HOXA3: variants seen among roughly 807,000 people sequenced by gnomAD.
The protein encoded by HOXA3 is homeobox protein Hox-A3.
Under a neutral mutation model 30.3 loss-of-function variants are expected in HOXA3, and 8 were observed. The observed-to-expected ratio is 0.26, with a 90% CI of 0.15 to 0.48. The LOEUF (loss-of-function observed/expected upper bound fraction) is 0.48. Ranked by LOEUF, HOXA3 falls within the 20% of genes least tolerant of loss-of-function variation. The pLI is 0.99. For missense variants in HOXA3, 653 were observed against 614.4 expected, an observed-to-expected ratio of 1.06 and a Z score of -0.66; for synonymous variants, 323 against 273.1, an observed-to-expected ratio of 1.18 and a Z score of -1.80.
chr7:27,110,305 AG>A lies in HOXA3; in HGVS notation c.335del (p.Pro112LeufsTer48). 9.5e-7 allele frequency: 1 copy of A among 1,047,730 alleles called. No homozygotes were observed. 64.9% of individuals were successfully genotyped at this position (1,047,730 alleles called of 1,614,324 possible). ...GCGGGGGCGCGGCAGGGGTAGGTGC[AG>A]GGGGCTGAGGTGCGGGCTGAGGCGG... ...PQPPQPAPQP[P>X]APTPAAPPPP... On this transcript the variant is annotated frameshift_variant, in exon 5 of 6. Transcript: ENST00000612286. LOFTEE classifies it high-confidence loss of function.
At chr7:27,112,262 C>A (rs1396805403) in intron 4 of HOXA3, among the ~76,000 whole-genome samples, 1 of 152,046 alleles carries the variant, frequency 6.6e-6, no homozygotes, top group Admixed American at 6.5e-5. Flanking sequence ...GGTTAACATG[C>A]AATCCAACTA....
intron 2 of HOXA3, among the ~76,000 whole-genome samples, chr7:27,136,081 T>C (rs1188339755): frequency 2.0e-5 from 3 of 152,250 alleles, no homozygotes; most frequent in Non-Finnish European, 2.9e-5. Flanking sequence ...AGCTCTAACA[T>C]TGACATCAAA....
At chr7:27,130,343 G>T in intron 2 of HOXA3, 1 of 1,118,770 alleles carries the variant, frequency 8.9e-7, no homozygotes, top group Non-Finnish European at 1.1e-6. Context: ...TGGCTCGCAT[G>T]CAGGCCGTGC....
chr7:27,124,552 G>C (rs1011867535), intron 3 of HOXA3: 1 of 152,218 alleles, frequency 6.6e-6, no homozygotes. Flanking sequence ...CTGCCTTCCT[G>C]AAGGAGTTAA....
intron 1 of HOXA3, chr7:27,145,745 G>A (rs2128061914): frequency 1.2e-6 from 2 of 1,614,246 alleles, no homozygotes; most frequent in East Asian, 4.5e-5. Flanking sequence ...TCATGCGGCG[G>A]TTCTGGAACC....
chr7:27,136,731 T>A (rs747849433), intron 2 of HOXA3, among the ~76,000 whole-genome samples: 5 of 152,232 alleles, frequency 3.3e-5, no homozygotes, highest in Non-Finnish European at 7.3e-5. Flanking sequence ...ATAACCTTCA[T>A]AACAAATATT....
rs4722662 is a variant in HOXA3 at position 27,129,100 on chromosome 7, C to T, written c.-389-2030G>A. The T allele has an allele frequency of 0.96, 701,164 of 729,228 alleles. 337,303 individuals carry two copies. Among genetic ancestry groups the T allele is most frequent in the East Asian group, 1 (40,699 of 40,794 alleles). 45.2% of individuals were successfully genotyped at this position (729,228 alleles called of 1,614,324 possible). On this transcript the variant is annotated intron_variant, in intron 2 of 5. Coordinates refer to ENST00000612286, the MANE Select transcript of HOXA3 (RefSeq NM_153631.3). ...ATGTCTTCTTTTTGATTATTCTTTT[C>T]ACCAATTTGGGTTTGTTTTGGTGTC... is the stretch of plus-strand genomic sequence containing the variant.
intron 4 of HOXA3, among the ~76,000 whole-genome samples, chr7:27,117,809 C>T (rs1784801918): frequency 6.6e-6 from 1 of 151,984 alleles, no homozygotes; most frequent in Non-Finnish European, 1.5e-5. Context: ...CCACCTCTGC[C>T]TGCACCTGGC....
intron 1 of HOXA3, chr7:27,142,704 G>T: frequency 6.5e-6 from 2 of 306,038 alleles, no homozygotes; most frequent in Non-Finnish European, 1.2e-5. Context: ...CCCGATTCAC[G>T]GCTGCTACAG....
chr7:27,145,336 C>A, intron 1 of HOXA3: 1 of 362,624 alleles, frequency 2.8e-6, no homozygotes, highest in Non-Finnish European at 5.0e-6. Context: ...GAGCCCCAGA[C>A]GCATTCAGGG....
intron 4 of HOXA3, among the ~76,000 whole-genome samples, chr7:27,120,610 G>C (rs558071598): frequency 1.4e-4 from 21 of 148,744 alleles, no homozygotes; most frequent in African/African-American, 5.2e-4. Context: ...ATGCCTTAAC[G>C]CCAGCAAAGC....
At chr7:27,109,365 G>A (rs961661851) in intron 5 of HOXA3, among the ~76,000 whole-genome samples, 1 of 152,176 alleles carries the variant, frequency 6.6e-6, no homozygotes, top group African/African-American at 2.4e-5. Context: ...CACTAATCTT[G>A]TACCCTTCTG....
chr7:27,117,353 A>C (rs1351671572), intron 4 of HOXA3, among the ~76,000 whole-genome samples: 1 of 152,168 alleles, frequency 6.6e-6, no homozygotes, highest in African/African-American at 2.4e-5. Context: ...GCACTGATGA[A>C]GTCCAAACCT....
rs773484720 is a variant in HOXA3, at chr7:27,110,133, T to C, written c.508A>G (p.Thr170Ala). Reference protein sequence around the residue: ...KESRQNTKQKTSSSSSGESCA... With the variant: ...KESRQNTKQKASSSSSGESCA... ...CCTTTACCTGAGCTGGAGCTGCTGG[T>C]TTTCTGCTTTGTGTTTTGTCGAGAC... Residue 170 changes from threonine (T) to alanine (A), a missense_variant, in exon 5 of 6, where the codon ACC (threonine) becomes GCC (alanine). This residue lies in a region of HOXA3 where 320 missense variants were observed against 321.9 expected (regional missense o/e 0.99). Coordinates refer to ENST00000612286, the MANE Select transcript of HOXA3 (RefSeq NM_153631.3). The C allele has an allele frequency of 6.2e-6, 10 of 1,614,106 alleles. No homozygotes were observed. In the East Asian group the frequency reaches 8.9e-5, roughly 14 times the overall value.
Position 27,152,519 on chromosome 7 carries a change from A to G in HOXA3, c.-725T>C. 1 of 1,178,262 alleles carries G rather than the reference A, an allele frequency of 8.5e-7. No homozygotes were observed. The highest frequency in any genetic ancestry group is 1.6e-5 in the South Asian group (1 of 62,328). 73.0% of individuals were successfully genotyped at this position (1,178,262 alleles called of 1,614,324 possible). Reference sequence around the variant, plus strand: ...TTCGCTCGCCATCTCCGGACAAAGCACAGCCGAGCCCGGCTGGAAGGCAGA... The same window carrying G: ...TTCGCTCGCCATCTCCGGACAAAGCGCAGCCGAGCCCGGCTGGAAGGCAGA... On this transcript the variant is annotated 5_prime_UTR_variant, in exon 1 of 6. Coordinates refer to ENST00000612286, the MANE Select transcript of HOXA3 (RefSeq NM_153631.3).
intron 2 of HOXA3, chr7:27,129,022 C>T: frequency 1.6e-6 from 1 of 624,568 alleles, no homozygotes; most frequent in Non-Finnish European, 2.9e-6. Context: ...AGCCAGCATC[C>T]TGGACAACTG....
At chr7:27,139,626 C>T (rs962389947) in intron 2 of HOXA3, among the ~76,000 whole-genome samples, 1 of 152,200 alleles carries the variant, frequency 6.6e-6, no homozygotes, top group African/African-American at 2.4e-5. Context: ...AACTCCTGAG[C>T]GCAGCGCGGC....
At chr7:27,118,329 G>GAAAAC in intron 4 of HOXA3, among the ~76,000 whole-genome samples, 1 of 152,296 alleles carries the variant, frequency 6.6e-6, no homozygotes, top group South Asian at 2.1e-4. Context: ...AGAGAATCTA[G>GAAAAC]AAAACGTAAT....
intron 4 of HOXA3, chr7:27,121,078 G>A (rs1784982759): frequency 6.6e-6 from 1 of 152,246 alleles, no homozygotes; most frequent in Admixed American, 6.5e-5. Context: ...TTGCAAGGCT[G>A]TTGGCAGATT....
Sources: gnomAD v4.1 joint callset for allele counts (sites outside exome capture counted in the v4.1 genomes callset) on GRCh38, gnomAD v4.1.1 for gene constraint, gnomAD v4.1.1 regional missense constraint, MANE v1.5 for transcripts, NCBI Gene and HGNC (gene_info 2026-07-23, HGNC 2026-07-21) for gene names.